The following RYR3 variants were observed in gnomAD, a reference collection of about 807,000 sequenced individuals.
The protein encoded by RYR3 is ryanodine receptor 3.
In RYR3, 207 loss-of-function variants were observed where a neutral mutation model predicts 584.3. The observed-to-expected ratio is 0.35, with a 90% CI of 0.32 to 0.40. RYR3 has a LOEUF of 0.40. Among genes scored for constraint, RYR3 ranks in the 10% least tolerant of loss-of-function variants. The probability of loss-of-function intolerance (pLI) is 1.00; values close to 1 mark genes in which losing one functional copy is unlikely to be tolerated. For synonymous variants in RYR3, 2,416 were observed against 2,248.5 expected, an observed-to-expected ratio of 1.07 and a Z score of -2.11; for missense variants, 5,616 against 6,089.2, an observed-to-expected ratio of 0.92 and a Z score of 2.59.
intron 1 of RYR3, among the ~76,000 whole-genome samples, chr15:33,365,892 A>G (rs1279926206): frequency 6.6e-6 from 1 of 152,206 alleles, no homozygotes; most frequent in Non-Finnish European, 1.5e-5. Flanking sequence ...TGGTTTTTAA[A>G]AAAGTTATCT....
chr15:33,365,624 G>A (rs1975384299), intron 1 of RYR3, among the ~76,000 whole-genome samples: 1 of 152,186 alleles, frequency 6.6e-6, no homozygotes, highest in Non-Finnish European at 1.5e-5. Context: ...ATACAGCACA[G>A]CACCAATAGC....
rs2073621417 is a variant in RYR3 at position 33,772,132 on chromosome 15, A to C, written c.9029A>C (p.Gln3010Pro). ...ILTSIFEHVT[Q>P]HQFGMDLLLG... ...ACGTCCATCTTTGAGCACGTCACTC[A>C]GCATCAGTTTGGAATGGATCTACTC... Residue 3010 changes from glutamine (Q) to proline (P), a missense_variant, in exon 63 of 104, where the codon CAG becomes CCG. By Grantham distance (76) the Gln-to-Pro change is moderately conservative (BLOSUM62 -1). Coordinates refer to ENST00000634891, the MANE Select transcript of RYR3 (RefSeq NM_001036.6). 2 of 1,612,610 alleles carry C rather than the reference A, an allele frequency of 1.2e-6. No homozygotes were observed. Among genetic ancestry groups the C allele is most frequent in the Non-Finnish European group, 1.7e-6 (2 of 1,178,894 alleles).
Position 33,810,607 on chromosome 15 carries a change from C to A in RYR3, c.10155C>A (p.Gly3385=). The change falls in exon 71 of 104, where the codon GGC becomes GGA. Residue 3385 remains glycine (G), a synonymous_variant. Transcript: ENST00000634891. The part of the protein sequence containing the change: ...LPIGLNMCTP[G]DQELISLAKS... ...TTGGTTTGAATATGTGTACTCCAGG[C>A]GACCAGGAGCTGATCTCCCTCGCAA... 6.2e-7 allele frequency: 1 copy of A among 1,614,018 alleles called. No homozygotes were observed. Among genetic ancestry groups the A allele is most frequent in the South Asian group, 1.1e-5 (1 of 91,084 alleles).
At chr15:33,572,962 G>T (rs1052435026) in intron 12 of RYR3, among the ~76,000 whole-genome samples, 1 of 151,952 alleles carries the variant, frequency 6.6e-6, no homozygotes, top group Non-Finnish European at 1.5e-5. Flanking sequence ...CAACAACAGC[G>T]AAATTCTGTC....
intron 64 of RYR3, among the ~76,000 whole-genome samples, chr15:33,777,031 T>C (rs1271957696): frequency 1.3e-5 from 2 of 152,176 alleles, no homozygotes; most frequent in Admixed American, 1.3e-4. Flanking sequence ...GCTACAAAAA[T>C]TTTTTAAATC....
intron 38 of RYR3, among the ~76,000 whole-genome samples, chr15:33,673,268 C>A (rs530245018): frequency 1.3e-5 from 2 of 152,226 alleles, no homozygotes; most frequent in Non-Finnish European, 2.9e-5. Flanking sequence ...GTGGTGGGCT[C>A]ACCCCGCAGT....
At chr15:33,490,502 G>T (rs1362427332) in intron 2 of RYR3, among the ~76,000 whole-genome samples, 1 of 152,024 alleles carries the variant, frequency 6.6e-6, no homozygotes, top group Non-Finnish European at 1.5e-5. Flanking sequence ...TAGTACTGAG[G>T]GTGGAATAAT....
At chr15:33,608,241 G>A (rs540280851) in intron 18 of RYR3, among the ~76,000 whole-genome samples, 71 of 152,300 alleles carry the variant, frequency 4.7e-4, no homozygotes, top group African/African-American at 1.5e-3. Context: ...AGCAGGTAAG[G>A]GCTTGGGATT....
At chr15:33,588,739 T>G (rs906077696) in intron 16 of RYR3, among the ~76,000 whole-genome samples, 8 of 152,218 alleles carry the variant, frequency 5.3e-5, no homozygotes, top group African/African-American at 1.9e-4. Context: ...TCACTTAAAA[T>G]TATAGCTTCC....
In RYR3 at chr15:33,495,913, T is replaced by C. The variant is rs149255288; in HGVS notation, c.172-7718T>C. On this transcript the variant is annotated intron_variant, in intron 2 of 103. Coordinates refer to ENST00000634891, the MANE Select transcript of RYR3 (RefSeq NM_001036.6). ...ATAATTATGTGTTATCGATAATTGA[T>C]TGGAAGTCTGTAAGTGAGCTCAGGT... Among the ~76,000 whole-genome samples the C allele has an allele frequency of 2.6e-5, 4 of 152,304 alleles. No individual in the cohort carries two copies. The East Asian group carries it at 7.7e-4, about 29-fold the overall frequency.
intron 27 of RYR3, among the ~76,000 whole-genome samples, chr15:33,638,204 C>T (rs181025820): frequency 6.6e-6 from 1 of 152,146 alleles, no homozygotes; most frequent in Non-Finnish European, 1.5e-5. Context: ...ATGATGTTGC[C>T]AGAAGAAGGA....
At chr15:33,707,080 C>G (rs61564527) in intron 43 of RYR3, 26 bp downstream of exon 43, 1 of 1,612,752 alleles carries the variant, frequency 6.2e-7, no homozygotes, top group Non-Finnish European at 8.5e-7. Flanking sequence ...TTCCATACCT[C>G]TTATACCCAG....
chr15:33,315,402 C>T (rs1012092153), intron 1 of RYR3, among the ~76,000 whole-genome samples: 24 of 152,174 alleles, frequency 1.6e-4, no homozygotes, highest in Admixed American at 1.2e-3. Flanking sequence ...CCTCCAGGCT[C>T]TGGGTGCTAG....
In RYR3 at chr15:33,699,313, C is replaced by T. The variant is rs188243760; in HGVS notation, c.6250-391C>T. 2.8e-4 allele frequency among the ~76,000 whole-genome samples: 38 copies of T among 133,716 alleles called. No homozygotes were observed. In the East Asian group the frequency reaches 8.2e-3, roughly 29 times the overall value. 87.7% of individuals were successfully genotyped at this position (133,716 alleles called of 152,430 possible). A position where few individuals can be genotyped will look rare whatever the true frequency, so the allele number is the denominator to read the frequency against. Reference sequence around the variant, plus strand: ...CTCCTCTTTCTCTCCTCACTCTTTCCTCACTTTCTCTCCTCACTTTCTCTC... The same window carrying T: ...CTCCTCTTTCTCTCCTCACTCTTTCTTCACTTTCTCTCCTCACTTTCTCTC... On this transcript the variant is annotated intron_variant, in intron 40 of 103. Coordinates refer to ENST00000634891, the MANE Select transcript of RYR3 (RefSeq NM_001036.6).
chr15:33,853,207 A>G, intron 95 of RYR3, 120 bp downstream of exon 95: 1 of 998,126 alleles, frequency 1.0e-6, no homozygotes, highest in Non-Finnish European at 1.4e-6. Context: ...ATATCTCAAG[A>G]AGAGTAAGTC....
At chr15:33,365,650 G>A (rs1351536988) in intron 1 of RYR3, among the ~76,000 whole-genome samples, 1 of 152,152 alleles carries the variant, frequency 6.6e-6, no homozygotes. Context: ...ATGCTGTATT[G>A]TACACTTAGA....
chr15:33,733,951 A>T (rs1345413987), intron 48 of RYR3, among the ~76,000 whole-genome samples: 1 of 152,212 alleles, frequency 6.6e-6, no homozygotes, highest in Non-Finnish European at 1.5e-5. Flanking sequence ...GGATAATCTC[A>T]TGCTTATATT....
chr15:33,431,625 G>T (rs1440680097), intron 1 of RYR3, among the ~76,000 whole-genome samples: 1 of 151,970 alleles, frequency 6.6e-6, no homozygotes, highest in Non-Finnish European at 1.5e-5. Context: ...ATTTAACCAG[G>T]CATGGTGGTG....
intron 8 of RYR3, among the ~76,000 whole-genome samples, 182 bp from the exon 9 acceptor site, chr15:33,547,948 A>T (rs991299511): frequency 7.2e-5 from 11 of 152,028 alleles, no homozygotes; most frequent in South Asian, 4.2e-4. Context: ...AGCTGCTTTG[A>T]CCCTTTCTGA....
Sources: gnomAD v4.1 joint callset for allele counts (sites outside exome capture counted in the v4.1 genomes callset) on GRCh38, gnomAD v4.1.1 for gene constraint, MANE v1.5 for transcripts, NCBI Gene and HGNC (gene_info 2026-07-23, HGNC 2026-07-21) for gene names.